The following CCNL2 variants were observed in gnomAD, a reference collection of about 807,000 sequenced individuals.
CCNL2 encodes cyclin-L2.
Under a neutral mutation model 59.1 loss-of-function variants are expected in CCNL2, and 28 were observed. The ratio of observed to expected loss-of-function variants is 0.47; its 90% CI spans 0.35 to 0.65. The LOEUF (loss-of-function observed/expected upper bound fraction) is 0.65. Ranked by LOEUF, CCNL2 falls within the 30% of genes least tolerant of loss-of-function variation. The pLI is 0.00. For synonymous variants in CCNL2, 342 were observed against 288.6 expected (o/e 1.19, Z -1.88); for missense variants, 714 against 717.4 (o/e 1.00, Z 0.05).
chr1:1,398,435 G>A (rs1645171113), intron 2 of CCNL2, 93 bp from the exon 3 acceptor site: 3 of 1,587,570 alleles, frequency 1.9e-6, no homozygotes, highest in Non-Finnish European at 2.6e-6. Context: ...AGACCAAAAG[G>A]GAGGTGCACC....
rs764312826 is a variant in CCNL2, at chr1:1,387,827, A to ACGGCTC, written c.1155_1160dup (p.Ser386_Arg387dup). On this transcript the variant is annotated inframe_insertion, in exon 10 of 11. Transcript: ENST00000400809. ...ATGGGGACCTCGAGTAGCTCTGCTC[A>ACGGCTC]CGGCTCCGGCTCCGACTCCGACTCT... 5.9e-5 allele frequency: 95 copies of ACGGCTC among 1,613,602 alleles called. No homozygotes were observed. In the South Asian group the frequency reaches 7.8e-4, roughly 13 times the overall value.
At chr1:1,388,598 CAT>C (rs1644593294) in intron 8 of CCNL2, 1 of 409,914 alleles carries the variant, frequency 2.4e-6, no homozygotes, top group Non-Finnish European at 4.9e-6. Flanking sequence ...TATATATATA[CAT>C]AGACACACAC....
intron 3 of CCNL2, among the ~76,000 whole-genome samples, chr1:1,397,598 A>G (rs367600755): frequency 2.6e-5 from 4 of 152,200 alleles, no homozygotes; most frequent in Admixed American, 2.6e-4. Flanking sequence ...GCGGTGGCTG[A>G]AATCTGTAAT....
At chr1:1,388,159 A>G in intron 8 of CCNL2, 94 bp from the exon 9 acceptor site, 1 of 953,530 alleles carries the variant, frequency 1.0e-6, no homozygotes, top group Non-Finnish European at 1.6e-6. Flanking sequence ...TCTACAGGTC[A>G]AACAGCGACG....
chr1:1,398,325 A>G lies in CCNL2; in HGVS notation c.381T>C (p.Cys127=). The G allele has an allele frequency of 6.2e-7, 1 of 1,614,188 alleles. No homozygotes were observed. The highest frequency in any genetic ancestry group is 8.5e-7 in the Non-Finnish European group (1 of 1,180,018). The change falls in exon 3 of 11, where the codon TGT becomes TGC. Residue 127 remains cysteine, a synonymous_variant. Coordinates refer to ENST00000400809, the MANE Select transcript of CCNL2 (RefSeq NM_030937.6). ...KHSMEHVSMA[C]VHLASKIEEA... ...CTTCTATCTTGGAAGCCAGGTGGAC[A>G]CAGGCCATTGACACATGCTGAAGCG...
intron 3 of CCNL2, 40 bp from the exon 4 acceptor site, chr1:1,395,554 C>T: frequency 6.2e-7 from 1 of 1,609,446 alleles, no homozygotes; most frequent in Non-Finnish European, 8.5e-7. Context: ...CACAGTCAAG[C>T]AGAGCAAGGC....
intron 8 of CCNL2, 152 bp downstream of exon 8, chr1:1,390,078 A>G (rs554328504): frequency 3.3e-4 from 235 of 705,678 alleles, no homozygotes; most frequent in Admixed American, 5.7e-4. Flanking sequence ...CGATCACACC[A>G]CCATACTCCA....
intron 5 of CCNL2, 165 bp from the exon 6 acceptor site, chr1:1,391,030 A>C: frequency 1.1e-6 from 1 of 921,492 alleles, no homozygotes; most frequent in Non-Finnish European, 1.6e-6. Context: ...TAATGGAGAA[A>C]TATTCTAGCT....
intron 2 of CCNL2, 100 bp downstream of exon 2, chr1:1,398,497 T>TG (rs1557738696): frequency 1.9e-6 from 3 of 1,575,344 alleles, no homozygotes; most frequent in South Asian, 2.3e-5. Context: ...GAGCTCAGAC[T>TG]GGGGGGCAAG....
At chr1:1,387,913 A>T (rs758083981) in intron 9 of CCNL2, 41 bp downstream of exon 9, 1 of 1,613,514 alleles carries the variant, frequency 6.2e-7, no homozygotes, top group Non-Finnish European at 8.5e-7. Flanking sequence ...AAGTCCCTCC[A>T]GCCAACCCTG....
chr1:1,387,587 G>C lies in CCNL2; in HGVS notation c.1212-5C>G, dbSNP rs1284685315. ...GTGGAGCCGCTGTCACTTTTCCTGG[G>C]AGGAAGAACAGCACCACCACACGTG... On this transcript the variant is annotated splice_polypyrimidine_tract_variant and splice_region_variant and intron_variant, in intron 10 of 10. Coordinates refer to ENST00000400809, the MANE Select transcript of CCNL2 (RefSeq NM_030937.6). The C allele has an allele frequency of 6.1e-6, 9 of 1,480,460 alleles. No homozygotes were observed. Among genetic ancestry groups the C allele is most frequent in the Non-Finnish European group, 8.1e-6 (9 of 1,114,100 alleles). 91.7% of individuals were successfully genotyped at this position (1,480,460 alleles called of 1,614,324 possible). A position where few individuals can be genotyped will look rare whatever the true frequency, so the allele number is the denominator to read the frequency against.
Position 1,398,303 on chromosome 1 carries a change from C to T in CCNL2, c.403G>A (p.Glu135Lys), listed in dbSNP as rs1645162422. The T allele has an allele frequency of 6.2e-7, 1 of 1,614,212 alleles. No homozygotes were observed. The highest frequency in any genetic ancestry group is 8.5e-7 in the Non-Finnish European group (1 of 1,180,028). The stretch of plus-strand genomic sequence containing the variant: ...TCCCGTATGCGTCTTGGGGCCTCTT[C>T]TATCTTGGAAGCCAGGTGGACACAG... ...MACVHLASKI[E>K]EAPRRIRDVI... Residue 135 changes from glutamate (E) to lysine (K), a missense_variant, in exon 3 of 11, where the codon GAA (glutamate) becomes AAA (lysine). This residue lies in a region of CCNL2 where 270 missense variants were observed against 254.9 expected (regional missense o/e 1.06). Coordinates refer to ENST00000400809, the MANE Select transcript of CCNL2 (RefSeq NM_030937.6).
At chr1:1,393,081 T>C (rs1336757025) in intron 5 of CCNL2, 1 of 588,094 alleles carries the variant, frequency 1.7e-6, no homozygotes, top group African/African-American at 1.9e-5. Flanking sequence ...CACTAGCCTG[T>C]CCCTCCACCC....
chr1:1,388,059 G>A lies in CCNL2; in HGVS notation c.1013C>T (p.Ser338Phe), dbSNP rs764087575. 1.9e-6 allele frequency: 3 copies of A among 1,612,050 alleles called. No individual in the cohort carries two copies. The highest frequency in any genetic ancestry group is 4.5e-5 in the East Asian group (2 of 44,874). Reference protein sequence around the residue: ...GFSPAPKLVESPKEGKGSKPS... With the variant: ...GFSPAPKLVEFPKEGKGSKPS... ...CTTGCTCCCTTTACCTTCTTTGGGG[G>A]ATTCCACTAGAATCAGAACAAGAGG... is the stretch of plus-strand genomic sequence containing the variant. The change falls in exon 9 of 11, where the codon TCC becomes TTC. Residue 338 changes from serine (S) to phenylalanine (F), a missense_variant. By Grantham distance (155) the Ser-to-Phe change is radical. Transcript: ENST00000400809.
intron 8 of CCNL2, 114 bp downstream of exon 8, chr1:1,390,116 A>C: frequency 1.7e-6 from 1 of 588,290 alleles, no homozygotes; most frequent in East Asian, 5.5e-5. Context: ...CCTGTCTCAA[A>C]AAAAAAAAAA....
intron 3 of CCNL2, among the ~76,000 whole-genome samples, chr1:1,397,884 G>A (rs951097136): frequency 5.9e-5 from 9 of 152,150 alleles, no homozygotes; most frequent in South Asian, 4.1e-4. Context: ...AGATTATCCA[G>A]CCTGAATGTC....
rs371317354 is a variant in CCNL2 at position 1,395,770 on chromosome 1, C to T, written c.474-256G>A. On this transcript the variant is annotated intron_variant, in intron 3 of 10. Coordinates refer to ENST00000400809, the MANE Select transcript of CCNL2 (RefSeq NM_030937.6). ...TTCTGGTGCACAAGCATAGACCGAACATAGCAAGTTTTAGGATCTCGTGGC... is the reference window on the plus strand; with the variant it reads ...TTCTGGTGCACAAGCATAGACCGAATATAGCAAGTTTTAGGATCTCGTGGC... Among the ~76,000 whole-genome samples the T allele has an allele frequency of 4.6e-5, 7 of 152,304 alleles. No homozygotes were observed. The East Asian group carries it at 1.3e-3, about 29-fold the overall frequency.
intron 5 of CCNL2, chr1:1,392,992 A>T: frequency 1.5e-6 from 1 of 647,680 alleles, no homozygotes; most frequent in Non-Finnish European, 2.7e-6. Flanking sequence ...TAGCACATGC[A>T]TTGCTAAAAT....
Position 1,398,322 on chromosome 1 carries a change from G to A in CCNL2, c.384C>T (p.Val128=), listed in dbSNP as rs752891676. Residue 128 remains valine, a synonymous_variant, in exon 3 of 11, where the codon GTC becomes GTT. Transcript: ENST00000400809. ...HSMEHVSMAC[V]HLASKIEEAP... ...CCTCTTCTATCTTGGAAGCCAGGTGGACACAGGCCATTGACACATGCTGAA... is the reference window on the plus strand; with the variant it reads ...CCTCTTCTATCTTGGAAGCCAGGTGAACACAGGCCATTGACACATGCTGAA... The A allele has an allele frequency of 6.2e-7, 1 of 1,614,154 alleles. No individual in the cohort carries two copies. Among genetic ancestry groups the A allele is most frequent in the South Asian group, 1.1e-5 (1 of 91,086 alleles).
Sources: allele counts gnomAD v4.1 joint callset (sites outside exome capture counted in the v4.1 genomes callset), GRCh38; gene constraint gnomAD v4.1.1; regional missense constraint gnomAD v4.1.1; transcripts MANE v1.5; gene names NCBI Gene and HGNC (gene_info 2026-07-23, HGNC 2026-07-21).